The following DOCK8 variants were observed in gnomAD, a reference collection of about 807,000 sequenced individuals.
The protein encoded by DOCK8 is dedicator of cytokinesis 8, also known as dedicator of cytokinesis protein 8.
DOCK8 carries 141 observed loss-of-function variants against 245.6 expected under a neutral mutation model. That is an observed-to-expected ratio of 0.57 (90% CI 0.50 to 0.66). DOCK8 has a LOEUF of 0.66. Ranked by LOEUF, DOCK8 falls within the 30% of genes least tolerant of loss-of-function variation. The pLI, the probability that DOCK8 is intolerant of heterozygous loss-of-function variation, is 0.00. For missense variants in DOCK8, 2,965 were observed against 2,603.4 expected (o/e 1.14, Z -3.02); for synonymous variants, 1,168 against 970.2 (o/e 1.20, Z -3.79).
chr9:222,016 T>C (rs1366976123), intron 1 of DOCK8, among the ~76,000 whole-genome samples: 2 of 151,832 alleles, frequency 1.3e-5, no homozygotes, highest in Non-Finnish European at 1.5e-5. Context: ...TCCCGGTGCT[T>C]TGGGAGGCAG....
At chr9:374,826 A>G (rs1176553459) in intron 18 of DOCK8, among the ~76,000 whole-genome samples, 4 of 151,956 alleles carry the variant, frequency 2.6e-5, no homozygotes, top group Non-Finnish European at 5.9e-5. Context: ...AGCTCACGTT[A>G]TATTTCCACT....
chr9:214,790 T>G, upstream of DOCK8: 1 of 1,571,646 alleles, frequency 6.4e-7, no homozygotes. Flanking sequence ...CGGCCGTCGC[T>G]GCTCCGAGCT....
intron 28 of DOCK8, among the ~76,000 whole-genome samples, chr9:414,162 C>G (rs1381465667): frequency 1.3e-5 from 2 of 151,446 alleles, no homozygotes; most frequent in African/African-American, 4.9e-5. Flanking sequence ...CAGACAGTTA[C>G]CATACAAGCC....
intron 8 of DOCK8, among the ~76,000 whole-genome samples, chr9:327,487 G>A (rs1449593176): frequency 1.3e-5 from 2 of 149,554 alleles, no homozygotes; most frequent in Admixed American, 6.7e-5. Context: ...TCTGCCTCCC[G>A]GGTTCAAGTG....
chr9:403,976 GTGTA>G lies in DOCK8; in HGVS notation c.3235-940_3235-937del, dbSNP rs1423304161. Among the ~76,000 whole-genome samples, 5 of 66,898 alleles carry G rather than the reference GTGTA, an allele frequency of 7.5e-5. 1 individual carries two copies. The highest frequency in any genetic ancestry group is 4.9e-4 in the African/African-American group (5 of 10,160). 43.9% of individuals were successfully genotyped at this position (66,898 alleles called of 152,430 possible). A position where few individuals can be genotyped will look rare whatever the true frequency, so the allele number is the denominator to read the frequency against. Reference sequence around the variant, plus strand: ...TATATATATGTATATATATATATATGTGTATATATATATATGTGTATATATATAT... The same window carrying G: ...TATATATATGTATATATATATATATGTATATATATATGTGTATATATATAT... On this transcript the variant is annotated intron_variant, in intron 26 of 47. Coordinates refer to ENST00000432829, the MANE Select transcript of DOCK8 (RefSeq NM_203447.4).
At position 332,410 on chromosome 9, in the gene DOCK8, C is replaced by T; in HGVS notation, c.1057C>T (p.Leu353=). ...TTTTTATTGGTAGATTGAAAAAGTC[C>T]TGCAGCAGGGAGAGATTGGAGACTG... is the stretch of plus-strand genomic sequence containing the variant. The part of the protein sequence containing the change: ...IYLVVKIEKV[L]QQGEIGDCAE... The change falls in exon 10 of 48, where the codon CTG becomes TTG. Residue 353 remains leucine (L), a synonymous_variant. Coordinates refer to ENST00000432829, the MANE Select transcript of DOCK8 (RefSeq NM_203447.4). 2 of 1,612,030 alleles carry T rather than the reference C, an allele frequency of 1.2e-6. No homozygotes were observed. The highest frequency in any genetic ancestry group is 8.5e-7 in the Non-Finnish European group (1 of 1,178,264).
At chr9:383,261 A>G (rs1008297540) in intron 22 of DOCK8, among the ~76,000 whole-genome samples, 7 of 152,048 alleles carry the variant, frequency 4.6e-5, no homozygotes, top group Admixed American at 3.3e-4. Flanking sequence ...TTGGCCAAGC[A>G]CGGTGGCTCA....
At chr9:221,168 A>G (rs1233827708) in intron 1 of DOCK8, among the ~76,000 whole-genome samples, 1 of 152,196 alleles carries the variant, frequency 6.6e-6, no homozygotes, top group African/African-American at 2.4e-5. Flanking sequence ...GCAAATTGAT[A>G]AAGTTGGCCT....
intron 4 of DOCK8, among the ~76,000 whole-genome samples, chr9:291,439 A>G (rs1176446131): frequency 1.3e-5 from 2 of 152,130 alleles, no homozygotes; most frequent in Admixed American, 1.3e-4. Context: ...TTTGGTATAT[A>G]TTTGCGTGAA....
intron 2 of DOCK8, 134 bp downstream of exon 2, chr9:271,863 C>G (rs563820297): frequency 2.9e-6 from 2 of 682,750 alleles, no homozygotes; most frequent in Non-Finnish European, 5.1e-6. Flanking sequence ...AACTCTGTGA[C>G]TGTGTCTGGA....
intron 46 of DOCK8, among the ~76,000 whole-genome samples, chr9:453,756 C>G (rs1008332885): frequency 2.6e-5 from 4 of 152,066 alleles, no homozygotes; most frequent in African/African-American, 9.7e-5. Context: ...GAGACAGGGT[C>G]TCACTATGCC....
At position 464,908 on chromosome 9, in the gene DOCK8, A is replaced by C. The variant is rs1281387692; in HGVS notation, c.*689A>C. On this transcript the variant is annotated 3_prime_UTR_variant, in exon 48 of 48. Transcript: ENST00000432829. ...GATGTAGGAGATACACGGTACTTGGAGCAGTCAGCCAGAAATCACAGATAC... is the reference window on the plus strand; with the variant it reads ...GATGTAGGAGATACACGGTACTTGGCGCAGTCAGCCAGAAATCACAGATAC... 1.3e-5 allele frequency: 2 copies of C among 153,252 alleles called. No individual in the cohort carries two copies. Among genetic ancestry groups the C allele is most frequent in the Non-Finnish European group, 2.9e-5 (2 of 68,786 alleles). The allele number at this position is 153,252 out of a possible 1,614,324, so 9.5% of individuals were successfully genotyped here.
chr9:420,404 T>C lies in DOCK8; in HGVS notation c.3844T>C (p.Tyr1282His), dbSNP rs945093849. 9 of 1,614,184 alleles carry C rather than the reference T, an allele frequency of 5.6e-6. No individual in the cohort carries two copies. In the Admixed American group the frequency reaches 8.3e-5, roughly 15 times the overall value. Reference protein sequence around the residue: ...TSGIVLSSLPYKQYNMLNADT... With the variant: ...TSGIVLSSLPHKQYNMLNADT... ...CCCCCAATCTGCCTCCCTTCAGCCC[T>C]ATAAGCAGTACAACATGCTGAACGC... The change falls in exon 31 of 48, where the codon TAT becomes CAT. Residue 1282 changes from tyrosine (Y) to histidine (H), a missense_variant. By Grantham distance (83) the Tyr-to-His change is moderately conservative. Around this residue, in one of 3 missense-constraint regions of DOCK8, gnomAD observed 2,825 missense variants for 2,453.5 expected, o/e 1.15. Coordinates refer to ENST00000432829, the MANE Select transcript of DOCK8 (RefSeq NM_203447.4).
At chr9:304,353 C>T (rs1180999454) in intron 4 of DOCK8, among the ~76,000 whole-genome samples, 2 of 152,276 alleles carry the variant, frequency 1.3e-5, no homozygotes, top group South Asian at 2.1e-4. Context: ...CCAGGCCATG[C>T]CTCCCTTTAA....
intron 30 of DOCK8, chr9:420,028 T>C: frequency 3.1e-6 from 1 of 325,744 alleles, no homozygotes; most frequent in South Asian, 3.0e-5. Flanking sequence ...GAAGGAGAAA[T>C]ACTTGGAGAT....
At chr9:216,223 AG>A (rs2046747904) in intron 1 of DOCK8, among the ~76,000 whole-genome samples, 1 of 152,096 alleles carries the variant, frequency 6.6e-6, no homozygotes, top group African/African-American at 2.4e-5. Flanking sequence ...GGAGGCCAAA[AG>A]GTACTAGTCA....
intron 1 of DOCK8, among the ~76,000 whole-genome samples, chr9:257,539 G>C (rs1045672803): frequency 3.3e-5 from 5 of 151,888 alleles, no homozygotes; most frequent in Admixed American, 2.6e-4. Context: ...TTGTTTTTTT[G>C]AGACAGAGTC....
At position 407,875 on chromosome 9, in the gene DOCK8, G is replaced by A. The variant is rs142002860; in HGVS notation, c.3530+806G>A. On this transcript the variant is annotated intron_variant, in intron 28 of 47. Coordinates refer to ENST00000432829, the MANE Select transcript of DOCK8 (RefSeq NM_203447.4). Reference sequence around the variant, plus strand: ...TGCCCCTCAAGAGCTCACCATCCAGGGACTCAGATTCAAAGATGATTAGGA... The same window carrying A: ...TGCCCCTCAAGAGCTCACCATCCAGAGACTCAGATTCAAAGATGATTAGGA... Among the ~76,000 whole-genome samples, 11 of 152,184 alleles carry A rather than the reference G, an allele frequency of 7.2e-5. No homozygotes were observed. The East Asian group carries it at 1.9e-3, about 27-fold the overall frequency.
At chr9:414,754 C>A in intron 28 of DOCK8, 28 bp from the exon 29 acceptor site, 1 of 1,614,074 alleles carries the variant, frequency 6.2e-7, no homozygotes, top group South Asian at 1.1e-5. Flanking sequence ...TTCACCATAA[C>A]CTCTTGATTC....
Sources: allele counts gnomAD v4.1 joint callset (sites outside exome capture counted in the v4.1 genomes callset), GRCh38; gene constraint gnomAD v4.1.1; regional missense constraint gnomAD v4.1.1; transcripts MANE v1.5; gene names NCBI Gene and HGNC (gene_info 2026-07-23, HGNC 2026-07-21).